The following HSPA12B variants were observed in gnomAD, a reference collection of about 807,000 sequenced individuals.
The protein encoded by HSPA12B is heat shock 70 kDa protein 12B.
A neutral mutation model predicts 69.3 loss-of-function variants in HSPA12B; 54 were observed. That is an observed-to-expected ratio of 0.78 (90% CI 0.63 to 0.98). HSPA12B has a LOEUF of 0.98. HSPA12B is among the 50% of genes least tolerant of loss of function. HSPA12B has a pLI of 0.00. For missense variants in HSPA12B, 929 were observed against 999.8 expected, an observed-to-expected ratio of 0.93 and a Z score of 0.96; for synonymous variants, 441 against 436.5, an observed-to-expected ratio of 1.01 and a Z score of -0.13.
chr20:3,750,247 G>A lies in HSPA12B; in HGVS notation c.1301+20G>A, dbSNP rs1322901136. 1 of 1,569,082 alleles carries A rather than the reference G, an allele frequency of 6.4e-7. No individual in the cohort carries two copies. The highest frequency in any genetic ancestry group is 8.7e-7 in the Non-Finnish European group (1 of 1,153,524). On this transcript the variant is annotated intron_variant, in intron 11 of 12. Coordinates refer to ENST00000254963, the MANE Select transcript of HSPA12B (RefSeq NM_052970.5). Reference sequence around the variant, plus strand: ...GAGCAGGTGGGTCCTGAGCCCGCGGGCTCAGGCAGGGTTTGCCGACCCGGG... The same window carrying A: ...GAGCAGGTGGGTCCTGAGCCCGCGGACTCAGGCAGGGTTTGCCGACCCGGG...
intron 7 of HSPA12B, among the ~76,000 whole-genome samples, chr20:3,747,796 C>T (rs1429095469): frequency 1.3e-5 from 2 of 152,244 alleles, no homozygotes; most frequent in Non-Finnish European, 2.9e-5. Flanking sequence ...CTCCCCACCA[C>T]CTCCTCTGAG....
chr20:3,734,366 GAAGCC>G (rs1306845946), intron 1 of HSPA12B, among the ~76,000 whole-genome samples: 1 of 152,196 alleles, frequency 6.6e-6, no homozygotes, highest in Non-Finnish European at 1.5e-5. Context: ...AGGTCAATAT[GAAGCC>G]AAGAGTTAGG....
chr20:3,734,404 G>T (rs566415813), intron 1 of HSPA12B, among the ~76,000 whole-genome samples: 1 of 152,232 alleles, frequency 6.6e-6, no homozygotes, highest in Non-Finnish European at 1.5e-5. Flanking sequence ...GGCAGGGTTA[G>T]GGATCAGGCT....
intron 1 of HSPA12B, among the ~76,000 whole-genome samples, chr20:3,736,470 G>A (rs2088109951): frequency 6.6e-6 from 1 of 152,246 alleles, no homozygotes; most frequent in African/African-American, 2.4e-5. Flanking sequence ...TGTGAACTGT[G>A]TGAGCAAGGG....
chr20:3,745,232 T>G lies in HSPA12B; in HGVS notation c.453+144T>G, dbSNP rs947508911. ...GAGGGGGCGGGGCTAAAGGGAGACGTCGGACTCCGGTGTGGGCGGAGCTCA... is the reference window on the plus strand; with the variant it reads ...GAGGGGGCGGGGCTAAAGGGAGACGGCGGACTCCGGTGTGGGCGGAGCTCA... On this transcript the variant is annotated intron_variant, in intron 5 of 12. Coordinates refer to ENST00000254963, the MANE Select transcript of HSPA12B (RefSeq NM_052970.5). The surrounding 1 kb of genome is among the most constrained non-coding windows in gnomAD (Gnocchi z 5.6). 3 of 777,982 alleles carry G rather than the reference T, an allele frequency of 3.9e-6. No homozygotes were observed. In the African/African-American group the frequency reaches 5.4e-5, roughly 14 times the overall value. 48.2% of individuals were successfully genotyped at this position (777,982 alleles called of 1,614,324 possible). A position where few individuals can be genotyped will look rare whatever the true frequency, so the allele number is the denominator to read the frequency against.
At chr20:3,733,591 C>G (rs903455194) in intron 1 of HSPA12B, among the ~76,000 whole-genome samples, 3 of 152,156 alleles carry the variant, frequency 2.0e-5, no homozygotes, top group Non-Finnish European at 1.5e-5. Context: ...CTGTCACTCC[C>G]TGCCCCAGCG....
chr20:3,751,387 C>CAGGT, intron 12 of HSPA12B, 124 bp from the exon 13 acceptor site: 2 of 1,342,398 alleles, frequency 1.5e-6, no homozygotes, highest in Non-Finnish European at 1.9e-6. Context: ...TTCTAGTCGC[C>CAGGT]AGGTAGGTAC....
In HSPA12B at chr20:3,745,124, A is replaced by G; in HGVS notation, c.453+36A>G. 8.0e-6 allele frequency: 12 copies of G among 1,500,778 alleles called. No homozygotes were observed. Among genetic ancestry groups the G allele is most frequent in the Non-Finnish European group, 1.1e-5 (12 of 1,085,178 alleles). 93.0% of individuals were successfully genotyped at this position (1,500,778 alleles called of 1,614,324 possible). A position where few individuals can be genotyped will look rare whatever the true frequency, so the allele number is the denominator to read the frequency against. On this transcript the variant is annotated intron_variant, in intron 5 of 12. Transcript: ENST00000254963. The surrounding 1 kb of genome is among the most constrained non-coding windows in gnomAD (Gnocchi z 5.6). ...GGGCTCCAGACAGGGAGGCGGGGCC[A>G]GCATGGAAAAGGGCAGGGCTAATGG...
rs79600676 is a variant in HSPA12B at position 3,735,397 on chromosome 20, C to T, written c.-18+2603C>T. On this transcript the variant is annotated intron_variant, in intron 1 of 12. Coordinates refer to ENST00000254963, the MANE Select transcript of HSPA12B (RefSeq NM_052970.5). ...GACGGTAGATAACTGGACAAGCTTCCGATAGCTGGGAAGAGTATAGGCCCA... is the reference window on the plus strand; with the variant it reads ...GACGGTAGATAACTGGACAAGCTTCTGATAGCTGGGAAGAGTATAGGCCCA... 9.2e-5 allele frequency among the ~76,000 whole-genome samples: 14 copies of T among 152,048 alleles called. No homozygotes were observed. The East Asian group carries it at 2.7e-3, about 29-fold the overall frequency.
At chr20:3,748,131 A>G in intron 7 of HSPA12B, 86 bp from the exon 8 acceptor site, 1 of 1,225,836 alleles carries the variant, frequency 8.2e-7, no homozygotes, top group Non-Finnish European at 1.1e-6. Context: ...TGGGAGCCCC[A>G]CAGGCCGCGG....
At chr20:3,746,138 A>G (rs2088298945) in intron 7 of HSPA12B, 107 bp downstream of exon 7, 1 of 779,782 alleles carries the variant, frequency 1.3e-6, no homozygotes, top group East Asian at 2.6e-5. Flanking sequence ...CATTGTGGAA[A>G]GAACTTCAGC....
intron 3 of HSPA12B, among the ~76,000 whole-genome samples, chr20:3,741,312 CA>C (rs34562275): frequency 0.63 from 88,549 of 140,574 alleles, 29,011 homozygotes; most frequent in South Asian, 0.78. Context: ...GATGTGTTGC[CA>C]AAAAAAAAAA....
chr20:3,743,366 A>AT (rs2088240934), intron 4 of HSPA12B, among the ~76,000 whole-genome samples: 5 of 133,726 alleles, frequency 3.7e-5, no homozygotes, highest in Admixed American at 2.2e-4. Context: ...AAAAAAAAAA[A>AT]ATTTTTTTTT....
chr20:3,749,946 C>T lies in HSPA12B; in HGVS notation c.1043-23C>T. 3 of 1,550,530 alleles carry T rather than the reference C, an allele frequency of 1.9e-6. No individual in the cohort carries two copies. The highest frequency in any genetic ancestry group is 1.2e-5 in the South Asian group (1 of 84,964). On this transcript the variant is annotated intron_variant, in intron 10 of 12. Coordinates refer to ENST00000254963, the MANE Select transcript of HSPA12B (RefSeq NM_052970.5). The surrounding 1 kb of genome is among the most constrained non-coding windows in gnomAD (Gnocchi z 5.5). ...GCGGCCCGGCGAGCGCTGACGCCCTCTTCGCCCCCTGCTCCACCCCAGGGG... is the reference window on the plus strand; with the variant it reads ...GCGGCCCGGCGAGCGCTGACGCCCTTTTCGCCCCCTGCTCCACCCCAGGGG...
In HSPA12B at chr20:3,745,190, G is replaced by T. The variant is rs1181441100; in HGVS notation, c.453+102G>T. The T allele has an allele frequency of 1.1e-5, 12 of 1,097,740 alleles. No homozygotes were observed. Among genetic ancestry groups the T allele is most frequent in the Non-Finnish European group, 1.5e-5 (11 of 756,334 alleles). 68.0% of individuals were successfully genotyped at this position (1,097,740 alleles called of 1,614,324 possible). The stretch of plus-strand genomic sequence containing the variant: ...AACCAAAACGTGTGAGGACCGGCCC[G>T]ATGGAGTCGTGGCTGAGAGGGGGCG... On this transcript the variant is annotated intron_variant, in intron 5 of 12. Transcript: ENST00000254963. The surrounding 1 kb of genome is among the most constrained non-coding windows in gnomAD (Gnocchi z 5.6).
At chr20:3,751,113 G>A (rs914273081) in intron 12 of HSPA12B, 1 of 577,648 alleles carries the variant, frequency 1.7e-6, no homozygotes, top group Non-Finnish European at 2.2e-6. Context: ...AAAAACTTCT[G>A]GTGCCTCAGT....
At position 3,752,843 on chromosome 20, in the gene HSPA12B, C is replaced by T. The variant is rs2088452776; in HGVS notation, c.*677C>T. 1 of 153,708 alleles carries T rather than the reference C, an allele frequency of 6.5e-6. No individual in the cohort carries two copies. The highest frequency in any genetic ancestry group is 6.5e-5 in the Admixed American group (1 of 15,272). 9.5% of individuals were successfully genotyped at this position (153,708 alleles called of 1,614,324 possible). On this transcript the variant is annotated 3_prime_UTR_variant, in exon 13 of 13. Transcript: ENST00000254963. ...GACAAAACACCCGTCTGGGAAGGCC[C>T]CAAGGTCAGCTTATGAAGGACCCCA...
intron 7 of HSPA12B, among the ~76,000 whole-genome samples, chr20:3,747,364 G>C (rs1026179578): frequency 6.6e-6 from 1 of 152,160 alleles, no homozygotes; most frequent in African/African-American, 2.4e-5. Flanking sequence ...GGACATCCCT[G>C]TGCAAAGATC....
In HSPA12B at chr20:3,745,449, G is replaced by A; in HGVS notation, c.454-44G>A. On this transcript the variant is annotated intron_variant, in intron 5 of 12. Transcript: ENST00000254963. The surrounding 1 kb of genome is among the most constrained non-coding windows in gnomAD (Gnocchi z 5.6). ...AGAGCGAGGTCGTCAGGAAATGAGT[G>A]CCAAGCTGAGGCCTCCTGCAGAGCC... 1.4e-6 allele frequency: 2 copies of A among 1,397,404 alleles called. No homozygotes were observed. Among genetic ancestry groups the A allele is most frequent in the South Asian group, 2.3e-5 (2 of 86,820 alleles). 86.6% of individuals were successfully genotyped at this position (1,397,404 alleles called of 1,614,324 possible). A position where few individuals can be genotyped will look rare whatever the true frequency, so the allele number is the denominator to read the frequency against.
Sources: gnomAD v4.1 joint callset for allele counts (sites outside exome capture counted in the v4.1 genomes callset) on GRCh38, gnomAD v4.1.1 for gene constraint, Gnocchi (gnomAD v3.1) non-coding constraint, MANE v1.5 for transcripts, NCBI Gene and HGNC (gene_info 2026-07-23, HGNC 2026-07-21) for gene names.